Variants in CMTR1 observed in about 807,000 individuals in gnomAD.
The protein encoded by CMTR1 is cap methyltransferase 1, also known as cap-specific mRNA (nucleoside-2'-O-)-methyltransferase 1.
Under a neutral mutation model 107.0 loss-of-function variants are expected in CMTR1, and 39 were observed. That is an observed-to-expected ratio of 0.36 (90% CI 0.28 to 0.48). CMTR1 has a LOEUF of 0.48. CMTR1 is among the 20% of genes least tolerant of loss of function. The pLI, the probability that CMTR1 is intolerant of heterozygous loss-of-function variation, is 0.99. For missense variants in CMTR1, 672 were observed against 1,064.9 expected, an observed-to-expected ratio of 0.63 and a Z score of 5.14; for synonymous variants, 366 against 379.5, an observed-to-expected ratio of 0.96 and a Z score of 0.41.
At chr6:37,432,785 T>A (rs1771411683), upstream of CMTR1, among the ~76,000 whole-genome samples, 1 of 152,214 alleles carries the variant, frequency 6.6e-6, no homozygotes, top group African/African-American at 2.4e-5. Context: ...TATGGTAAGA[T>A]GCTACAGGCG....
chr6:37,481,040 C>T lies in CMTR1; in HGVS notation c.*895C>T, dbSNP rs1761844018. ...GTCATGCACCGCTGTCTGCCATAGC[C>T]GCTCTAGGGTCTTGGCAGAATTCTG... On this transcript the variant is annotated 3_prime_UTR_variant, in exon 24 of 24. Transcript: ENST00000373451. 2.0e-5 allele frequency: 26 copies of T among 1,304,080 alleles called. No individual in the cohort carries two copies. Among genetic ancestry groups the T allele is most frequent in the African/African-American group, 3.0e-5 (2 of 65,874 alleles). The allele number at this position is 1,304,080 out of a possible 1,614,324, so 80.8% of individuals were successfully genotyped here. A position where few individuals can be genotyped will look rare whatever the true frequency, so the allele number is the denominator to read the frequency against.
intron 10 of CMTR1, among the ~76,000 whole-genome samples, 164 bp from the exon 11 acceptor site, chr6:37,461,385 C>G (rs990137866): frequency 6.6e-6 from 1 of 152,252 alleles, no homozygotes; most frequent in African/African-American, 2.4e-5. Flanking sequence ...ATCTAACAAG[C>G]CCAGTGACCT....
At chr6:37,434,472 C>G (rs1334478002) in intron 1 of CMTR1, among the ~76,000 whole-genome samples, 1 of 152,158 alleles carries the variant, frequency 6.6e-6, no homozygotes, top group Non-Finnish European at 1.5e-5. Flanking sequence ...ACACTGTATT[C>G]ACTACTTCTC....
In CMTR1 at chr6:37,450,254, A is replaced by G; in HGVS notation, c.448A>G (p.Ser150Gly). Residue 150 changes from serine (S) to glycine (G), a missense_variant, in exon 5 of 24, where the codon AGT (serine) becomes GGT (glycine). Ser to Gly is a moderately conservative substitution (Grantham distance 56). This residue lies in a region of CMTR1 where 583 missense variants were observed against 968.4 expected (regional missense o/e 0.60). Coordinates refer to ENST00000373451, the MANE Select transcript of CMTR1 (RefSeq NM_015050.3). ...CTAGCCTCTCTTTTGTTTGCAGCCC[A>G]GTGCTTGTGAGCAGGTGTCATGGTT... ...NVDWRDEPEP[S>G]ACEQVSWFPE... The G allele has an allele frequency of 6.2e-7, 1 of 1,613,842 alleles. No homozygotes were observed.
intron 3 of CMTR1, 62 bp from the exon 4 acceptor site, chr6:37,446,229 A>G (rs1771791473): frequency 1.9e-6 from 3 of 1,556,770 alleles, no homozygotes; most frequent in South Asian, 2.3e-5. Context: ...TTGGCATGTG[A>G]TGGGGCTAAA....
chr6:37,446,495 T>C (rs1310959411), intron 4 of CMTR1, 46 bp downstream of exon 4: 13 of 1,581,144 alleles, frequency 8.2e-6, no homozygotes, highest in Non-Finnish European at 1.1e-5. Context: ...CTTGTGTTTT[T>C]GGATGCATGG....
At chr6:37,438,077 T>C (rs1771580109) in intron 2 of CMTR1, among the ~76,000 whole-genome samples, 1 of 152,164 alleles carries the variant, frequency 6.6e-6, no homozygotes, top group Non-Finnish European at 1.5e-5. Context: ...ATTGCTGTTG[T>C]GTGTGTAGAA....
chr6:37,458,576 T>C lies in CMTR1; in HGVS notation c.778-36T>C, dbSNP rs1260186368. 1 of 1,606,764 alleles carries C rather than the reference T, an allele frequency of 6.2e-7. No individual in the cohort carries two copies. Among genetic ancestry groups the C allele is most frequent in the East Asian group, 2.2e-5 (1 of 44,856 alleles). ...CCTGTTGCCCATTGAGCTGTCTTGT[T>C]TTCCTTCCTCTCCTGTCCTCCACTT... On this transcript the variant is annotated intron_variant, in intron 8 of 23. Coordinates refer to ENST00000373451, the MANE Select transcript of CMTR1 (RefSeq NM_015050.3). This position sits in a 1 kb window ranked among gnomAD's most constrained non-coding sequence, Gnocchi z 4.7.
chr6:37,459,976 A>C (rs1761368068), intron 10 of CMTR1, among the ~76,000 whole-genome samples: 1 of 152,156 alleles, frequency 6.6e-6, no homozygotes, highest in Non-Finnish European at 1.5e-5. Context: ...ATGGCCACCT[A>C]ACCAAAGACG....
intron 8 of CMTR1, among the ~76,000 whole-genome samples, chr6:37,454,831 C>A (rs1761256881): frequency 6.6e-6 from 1 of 152,084 alleles, no homozygotes; most frequent in Non-Finnish European, 1.5e-5. Flanking sequence ...TTTCTCTTTT[C>A]ATTTCCGTTT....
At position 37,463,002 on chromosome 6, in the gene CMTR1, A is replaced by T. The variant is rs765460741; in HGVS notation, c.1499A>T (p.Asn500Ile). 1 of 1,613,780 alleles carries T rather than the reference A, an allele frequency of 6.2e-7. No homozygotes were observed. The highest frequency in any genetic ancestry group is 8.5e-7 in the Non-Finnish European group (1 of 1,179,712). ...TTTACTGACTACATGATACGGTCCA[A>T]TGAGAGGTAAGCCAACGGGCTGGTT... ...HEFTDYMIRSNESHCSLQIKA... is the reference protein window; with the variant it reads ...HEFTDYMIRSIESHCSLQIKA... Residue 500 changes from asparagine to isoleucine, a missense_variant, in exon 13 of 24, where the codon AAT becomes ATT. Asn to Ile is a moderately radical substitution (Grantham distance 149). This residue lies in a region of CMTR1 where 583 missense variants were observed against 968.4 expected (regional missense o/e 0.60). Coordinates refer to ENST00000373451, the MANE Select transcript of CMTR1 (RefSeq NM_015050.3).
rs1373168191 is a variant in CMTR1, at chr6:37,480,334, T to C, written c.*189T>C. 2 of 1,378,788 alleles carry C rather than the reference T, an allele frequency of 1.5e-6. No individual in the cohort carries two copies. The highest frequency in any genetic ancestry group is 3.8e-5 in the Admixed American group (1 of 26,322). The allele number at this position is 1,378,788 out of a possible 1,614,324, so 85.4% of individuals were successfully genotyped here. A position where few individuals can be genotyped will look rare whatever the true frequency, so the allele number is the denominator to read the frequency against. On this transcript the variant is annotated 3_prime_UTR_variant, in exon 24 of 24. Coordinates refer to ENST00000373451, the MANE Select transcript of CMTR1 (RefSeq NM_015050.3). Reference sequence around the variant, plus strand: ...GGCAGGGCCCTGCAGAGAACACTCATGTTCCTTCTGGGACACCTGCCTGGG... The same window carrying C: ...GGCAGGGCCCTGCAGAGAACACTCACGTTCCTTCTGGGACACCTGCCTGGG...
chr6:37,471,866 C>T lies in CMTR1; in HGVS notation c.1582C>T (p.Gln528Ter). Residue 528 changes from glutamine (Q) to a stop codon, truncating the protein, a stop_gained, in exon 15 of 24, where the codon CAG (glutamine) becomes TAG (stop). Transcript: ENST00000373451. LOFTEE classifies it high-confidence loss of function. The stretch of plus-strand genomic sequence containing the variant: ...TCCCAGGACACTGAGTGAGCCTCGA[C>T]AGGCAGAGATACGGAAGGAGTGCCT... ...VQDTTLSEPR[Q>*]AEIRKECLRL... 6.2e-7 allele frequency: 1 copy of T among 1,613,940 alleles called. No homozygotes were observed. Among genetic ancestry groups the T allele is most frequent in the Non-Finnish European group, 8.5e-7 (1 of 1,179,978 alleles).
At chr6:37,425,400 A>G in the CMTR1 span, among the ~76,000 whole-genome samples, 1 of 150,560 alleles carries the variant, frequency 6.6e-6, no homozygotes, top group African/African-American at 2.5e-5. Context: ...GAGTTCAAAC[A>G]ATTCTCGTGC....
rs375080589 is a variant in CMTR1, at chr6:37,478,397, C to G, written c.2154-12C>G. On this transcript the variant is annotated splice_polypyrimidine_tract_variant and intron_variant, in intron 21 of 23. Transcript: ENST00000373451. ...TTTCTCTCTCATGCACGTACCTTCT[C>G]GGGGAAATCAGGTTGGAGATGAAGA... 1.9e-6 allele frequency: 3 copies of G among 1,608,270 alleles called. No homozygotes were observed. The highest frequency in any genetic ancestry group is 2.6e-6 in the Non-Finnish European group (3 of 1,174,870).
chr6:37,462,917 A>C lies in CMTR1; in HGVS notation c.1414A>C (p.Asn472His). 1 of 1,614,194 alleles carries C rather than the reference A, an allele frequency of 6.2e-7. No individual in the cohort carries two copies. The highest frequency in any genetic ancestry group is 1.1e-5 in the South Asian group (1 of 91,084). Residue 472 changes from asparagine (N) to histidine (H), a missense_variant, in exon 13 of 24, where the codon AAC becomes CAC. Asn to His is a moderately conservative substitution (Grantham distance 68). Around this residue, in one of 2 missense-constraint regions of CMTR1, gnomAD observed 583 missense variants for 968.4 expected, o/e 0.60. Coordinates refer to ENST00000373451, the MANE Select transcript of CMTR1 (RefSeq NM_015050.3). ...AVNIKLNQLR[N>H]TDSDVNLVVP... ...GAATATTAAACTCAATCAGCTGCGG[A>C]ACACGGATTCCGACGTCAACTTGGT...
chr6:37,474,443 C>T, intron 17 of CMTR1, 81 bp from the exon 18 acceptor site: 1 of 1,554,622 alleles, frequency 6.4e-7, no homozygotes, highest in South Asian at 1.2e-5. Flanking sequence ...TAGCTGCCAA[C>T]TAAAAGCTCT....
Position 37,480,240 on chromosome 6 carries a change from A to G in CMTR1, c.*95A>G. 6.4e-7 allele frequency: 1 copy of G among 1,550,546 alleles called. No individual in the cohort carries two copies. The highest frequency in any genetic ancestry group is 8.6e-7 in the Non-Finnish European group (1 of 1,160,910). ...GTGCTGGCTTCTTCCCCCTCTTGAA[A>G]AGGGACTGGGGAGCATTGCACCTGG... On this transcript the variant is annotated 3_prime_UTR_variant, in exon 24 of 24. Transcript: ENST00000373451.
At chr6:37,463,126 G>A in intron 13 of CMTR1, 118 bp downstream of exon 13, 1 of 1,068,628 alleles carries the variant, frequency 9.4e-7, no homozygotes, top group Non-Finnish European at 1.4e-6. Flanking sequence ...ATTGGCAACT[G>A]GGTTTGGTCT....
Sources: gnomAD v4.1 joint callset for allele counts (sites outside exome capture counted in the v4.1 genomes callset) on GRCh38, gnomAD v4.1.1 for gene constraint, gnomAD v4.1.1 regional missense constraint, Gnocchi (gnomAD v3.1) non-coding constraint, MANE v1.5 for transcripts, NCBI Gene and HGNC (gene_info 2026-07-23, HGNC 2026-07-21) for gene names.